The following PAH variants were observed in gnomAD, a reference collection of about 807,000 sequenced individuals.
PAH encodes the protein phenylalanine hydroxylase.
PAH carries 64 observed loss-of-function variants against 62.0 expected under a neutral mutation model. The observed-to-expected ratio is 1.03, with a 90% confidence interval of 0.84 to 1.27. The LOEUF is 1.27. Ranked by LOEUF, PAH falls within the 50% of genes most tolerant of loss-of-function variation. PAH has a pLI of 0.00. For missense variants in PAH, 579 were observed against 542.8 expected, an observed-to-expected ratio of 1.07 and a Z score of -0.66; for synonymous variants, 195 against 196.2, an observed-to-expected ratio of 0.99 and a Z score of 0.05.
exon 1 of PAH, chr12:102,958,350 G>A: frequency 7.0e-7 from 1 of 1,430,192 alleles, no homozygotes; most frequent in Non-Finnish European, 9.1e-7. Context: ...TGCCACGGCC[G>A]CAGCCGCGGC....
chr12:102,908,662 CATATGA>C (rs1878078150), intron 2 of PAH, among the ~76,000 whole-genome samples: 1 of 51,704 alleles, frequency 1.9e-5, no homozygotes, highest in Admixed American at 2.7e-4. Context: ...CCATTATGAA[CATATGA>C]ACATCTTACA....
intron 1 of PAH, 78 bp downstream of exon 1, chr12:102,916,993 A>G (rs1372098118): frequency 4.7e-6 from 6 of 1,270,766 alleles, no homozygotes; most frequent in Non-Finnish European, 6.9e-6. Context: ...GAAACCAGGA[A>G]GCACCAGCAG....
At chr12:102,850,401 A>G (rs1211581974) in intron 8 of PAH, among the ~76,000 whole-genome samples, 1 of 152,144 alleles carries the variant, frequency 6.6e-6, no homozygotes, top group African/African-American at 2.4e-5. Flanking sequence ...TGTTTCAAAT[A>G]TTTAGTGGTA....
chr12:102,864,447 AG>A (rs1875859311), intron 5 of PAH, among the ~76,000 whole-genome samples: 1 of 152,164 alleles, frequency 6.6e-6, no homozygotes, highest in African/African-American at 2.4e-5. Flanking sequence ...GTGGCTCAGC[AG>A]TTTACTGCTT....
intron 1 of PAH, among the ~76,000 whole-genome samples, chr12:102,940,049 A>G (rs577046809): frequency 6.6e-6 from 1 of 152,356 alleles, no homozygotes. Context: ...ACTGAACTGC[A>G]GCTGAAACTA....
chr12:102,925,365 T>A (rs1179070175), intron 1 of PAH, among the ~76,000 whole-genome samples: 3 of 152,118 alleles, frequency 2.0e-5, no homozygotes, highest in African/African-American at 7.2e-5. Context: ...AAGAAGCATT[T>A]GTGGTTATTG....
At chr12:102,859,427 C>G (rs1160604177) in intron 5 of PAH, among the ~76,000 whole-genome samples, 1 of 152,210 alleles carries the variant, frequency 6.6e-6, no homozygotes, top group Non-Finnish European at 1.5e-5. Flanking sequence ...CCTTCTGAAA[C>G]TATTCCAATC....
chr12:102,868,182 A>G lies in PAH; in HGVS notation c.442-1519T>C, dbSNP rs796791482. On this transcript the variant is annotated intron_variant, in intron 4 of 12. Coordinates refer to ENST00000553106, the MANE Select transcript of PAH (RefSeq NM_000277.3). The stretch of plus-strand genomic sequence containing the variant: ...CATATATATACATATATGTGTATAT[A>G]TATATATATATATATATATATATCA... 1.4e-3 allele frequency among the ~76,000 whole-genome samples: 20 copies of G among 14,546 alleles called. 3 individuals are homozygous for G. The highest frequency in any genetic ancestry group is 6.1e-3 in the African/African-American group (13 of 2,136). The allele number at this position is 14,546 out of a possible 152,430, so 9.5% of individuals were successfully genotyped here.
chr12:102,894,643 A>G (rs1877418121), intron 3 of PAH, 92 bp downstream of exon 3: 1 of 944,728 alleles, frequency 1.1e-6, no homozygotes, highest in African/African-American at 1.6e-5. Context: ...AAATATACAT[A>G]TATTTAAATA....
upstream of PAH, among the ~76,000 whole-genome samples, chr12:102,921,701 G>A (rs1301776494): frequency 6.6e-6 from 1 of 151,978 alleles, no homozygotes; most frequent in Non-Finnish European, 1.5e-5. Context: ...CATGCCTTGG[G>A]GATTTCTTAG....
intron 3 of PAH, chr12:102,885,957 G>GC (rs1565862964): frequency 1.3e-5 from 2 of 152,368 alleles, no homozygotes; most frequent in South Asian, 2.1e-4. Context: ...ATGGCCTCCA[G>GC]CCCCCCAGAG....
chr12:102,942,737 G>T (rs1452829622), intron 1 of PAH, among the ~76,000 whole-genome samples: 1 of 151,910 alleles, frequency 6.6e-6, no homozygotes. Flanking sequence ...AATGGAACAG[G>T]TTAGAGAATT....
At chr12:102,937,411 T>C (rs1423021309) in intron 1 of PAH, among the ~76,000 whole-genome samples, 11 of 152,178 alleles carry the variant, frequency 7.2e-5, no homozygotes, top group Non-Finnish European at 1.3e-4. Context: ...TTACTTTTTT[T>C]TGTACCTGTT....
chr12:102,895,271 C>T (rs758262769), intron 2 of PAH, among the ~76,000 whole-genome samples: 16 of 152,146 alleles, frequency 1.1e-4, no homozygotes, highest in East Asian at 1.9e-4. Flanking sequence ...ACTTTCCAAA[C>T]GAAATTCTAT....
upstream of PAH, among the ~76,000 whole-genome samples, chr12:102,954,585 G>C (rs1879859307): frequency 6.6e-6 from 1 of 152,170 alleles, no homozygotes. Flanking sequence ...CTCAGGTAAA[G>C]GGGCCTAGAT....
intron 2 of PAH, among the ~76,000 whole-genome samples, chr12:102,895,573 G>A (rs7965426): frequency 0.053 from 8,043 of 151,996 alleles, 744 homozygotes; most frequent in African/African-American, 0.18. Flanking sequence ...TAGGCCTGGC[G>A]CTGTGGCTCA....
intron 1 of PAH, chr12:102,946,938 A>G (rs1593005468): frequency 6.6e-6 from 1 of 152,076 alleles, no homozygotes; most frequent in Non-Finnish European, 1.5e-5. Context: ...ATAAAGTTCC[A>G]TTTTTTTATG....
intron 4 of PAH, among the ~76,000 whole-genome samples, chr12:102,874,678 A>T (rs1402305603): frequency 6.6e-6 from 1 of 152,244 alleles, no homozygotes; most frequent in African/African-American, 2.4e-5. Flanking sequence ...AAGGTGGGAA[A>T]GGGGAAAGGA....
At chr12:102,950,379 T>A (rs964416399) in intron 1 of PAH, 1 of 152,350 alleles carries the variant, frequency 6.6e-6, no homozygotes, top group African/African-American at 2.4e-5. Flanking sequence ...GGCTGCTTCC[T>A]CCTGAATCTG....
Sources: allele counts gnomAD v4.1 joint callset (sites outside exome capture counted in the v4.1 genomes callset), GRCh38; gene constraint gnomAD v4.1.1; transcripts MANE v1.5; gene names NCBI Gene and HGNC (gene_info 2026-07-23, HGNC 2026-07-21).